NSMCE2: variants seen among roughly 807,000 people sequenced by gnomAD.
NSMCE2 encodes the protein NSE2 SUMO ligase component of SMC5/6 complex.
NSMCE2 carries 24 observed loss-of-function variants against 23.8 expected under a neutral mutation model. The observed-to-expected ratio is 1.01, with a 90% CI of 0.73 to 1.42. The LOEUF (loss-of-function observed/expected upper bound fraction) is 1.42. Ranked by LOEUF, NSMCE2 falls within the 40% of genes most tolerant of loss-of-function variation. The pLI is 0.00. For missense variants in NSMCE2, 284 were observed against 296.5 expected (o/e 0.96, Z 0.31); for synonymous variants, 92 against 94.1 (o/e 0.98, Z 0.13).
chr8:125,142,411 C>T (rs1360392051), intron 3 of NSMCE2, among the ~76,000 whole-genome samples: 2 of 152,122 alleles, frequency 1.3e-5, no homozygotes, highest in African/African-American at 4.8e-5. Context: ...TACATCGTCT[C>T]TCTTCTGTGT....
chr8:125,138,926 C>G (rs1272263933), intron 3 of NSMCE2, among the ~76,000 whole-genome samples: 1 of 152,138 alleles, frequency 6.6e-6, no homozygotes, highest in Non-Finnish European at 1.5e-5. Context: ...CTCTCTGAGC[C>G]TCAATTTCCT....
At chr8:125,282,019 A>G (rs1298067639) in intron 5 of NSMCE2, among the ~76,000 whole-genome samples, 1 of 152,092 alleles carries the variant, frequency 6.6e-6, no homozygotes, top group Admixed American at 6.5e-5. Context: ...GTCCCATTGA[A>G]ATTGGTGAGC....
At chr8:125,124,136 G>C (rs1819403394) in intron 3 of NSMCE2, 1 of 152,114 alleles carries the variant, frequency 6.6e-6, no homozygotes, top group African/African-American at 2.4e-5. Flanking sequence ...CATATAAATG[G>C]AGTAATGTAA....
rs575589879 is a variant in NSMCE2 at position 125,132,815 on chromosome 8, A to G, written c.158-18356A>G. 1.9e-4 allele frequency among the ~76,000 whole-genome samples: 29 copies of G among 152,296 alleles called. No homozygotes were observed. The South Asian group carries it at 5.8e-3, about 30-fold the overall frequency. On this transcript the variant is annotated intron_variant, in intron 3 of 7. Transcript: ENST00000287437. ...CCAGCCCAATTTTTAAATTGTTAAA[A>G]ATGGATACAATACTTAAGAAATAAT...
intron 5 of NSMCE2, among the ~76,000 whole-genome samples, chr8:125,241,630 G>A (rs1825768368): frequency 6.6e-6 from 1 of 152,220 alleles, no homozygotes; most frequent in Non-Finnish European, 1.5e-5. Flanking sequence ...AACTGAAAAA[G>A]ATAACTGTAG....
At chr8:125,129,574 G>GTC (rs1459947527) in intron 3 of NSMCE2, among the ~76,000 whole-genome samples, 15 of 149,574 alleles carry the variant, frequency 1.0e-4, no homozygotes, top group Non-Finnish European at 3.0e-5. Flanking sequence ...GTGTGTGTGT[G>GTC]TGTGTCTGTG....
chr8:125,200,459 C>G (rs546516016), intron 5 of NSMCE2, among the ~76,000 whole-genome samples: 1 of 152,280 alleles, frequency 6.6e-6, no homozygotes, highest in African/African-American at 2.4e-5. Flanking sequence ...ATATGAGATT[C>G]TGGGTTGAAA....
At chr8:125,100,218 T>C (rs1218591422) in intron 1 of NSMCE2, among the ~76,000 whole-genome samples, 4 of 152,098 alleles carry the variant, frequency 2.6e-5, no homozygotes, top group Admixed American at 6.5e-5. Context: ...GGAGGAAGTG[T>C]TGGAAGTTTC....
intron 5 of NSMCE2, among the ~76,000 whole-genome samples, chr8:125,305,276 C>T (rs1345715516): frequency 6.6e-6 from 1 of 152,200 alleles, no homozygotes; most frequent in Non-Finnish European, 1.5e-5. Context: ...TAAGTAGTAT[C>T]ATTGCCATTT....
intron 5 of NSMCE2, among the ~76,000 whole-genome samples, chr8:125,217,666 C>G (rs1824661130): frequency 1.3e-5 from 2 of 152,074 alleles, no homozygotes; most frequent in South Asian, 4.1e-4. Context: ...GCGCCTGGCC[C>G]TGATCACTTT....
At chr8:125,225,391 T>G (rs1825047743) in intron 5 of NSMCE2, among the ~76,000 whole-genome samples, 1 of 152,226 alleles carries the variant, frequency 6.6e-6, no homozygotes, top group Non-Finnish European at 1.5e-5. Context: ...AACAGTTCTT[T>G]TTTGTAGTCA....
chr8:125,283,397 C>T (rs1459808346), intron 5 of NSMCE2, among the ~76,000 whole-genome samples: 4 of 152,068 alleles, frequency 2.6e-5, no homozygotes, highest in Non-Finnish European at 5.9e-5. Flanking sequence ...AAATTAGCTG[C>T]TCATGGTGAC....
At chr8:125,191,801 A>G (rs1217874667) in intron 5 of NSMCE2, among the ~76,000 whole-genome samples, 1 of 152,194 alleles carries the variant, frequency 6.6e-6, no homozygotes, top group East Asian at 1.9e-4. Context: ...CATCTCGCGT[A>G]ATCTTTACAA....
intron 3 of NSMCE2, among the ~76,000 whole-genome samples, chr8:125,144,469 A>G (rs922610879): frequency 2.6e-5 from 4 of 152,206 alleles, no homozygotes; most frequent in African/African-American, 9.6e-5. Flanking sequence ...CAAATACGGT[A>G]TGAACAGACC....
rs191847285 is a variant in NSMCE2, at chr8:125,260,587, T to C, written c.418+78331T>C. ...AAGAATTTGGATCTAGGTGGCCGTC[T>C]TCTTTGTGGTTTAATTCCCTAATTT... is the stretch of plus-strand genomic sequence containing the variant. On this transcript the variant is annotated intron_variant, in intron 5 of 7. Transcript: ENST00000287437. Among the ~76,000 whole-genome samples the C allele has an allele frequency of 2.7e-5, 4 of 150,250 alleles. No individual in the cohort carries two copies. The East Asian group carries it at 7.7e-4, about 29-fold the overall frequency.
At chr8:125,126,577 G>T (rs368578036) in intron 3 of NSMCE2, among the ~76,000 whole-genome samples, 1 of 152,230 alleles carries the variant, frequency 6.6e-6, no homozygotes. Flanking sequence ...CTTACTTGAT[G>T]CACGAAAGTC....
chr8:125,366,644 C>G (rs1476790080), intron 7 of NSMCE2, 124 bp from the exon 8 acceptor site: 1 of 683,344 alleles, frequency 1.5e-6, no homozygotes, highest in Non-Finnish European at 2.6e-6. Flanking sequence ...ATGAGCACAG[C>G]TTGGTCCTGA....
intron 5 of NSMCE2, among the ~76,000 whole-genome samples, chr8:125,345,758 G>A (rs1830409654): frequency 6.6e-6 from 1 of 152,218 alleles, no homozygotes; most frequent in South Asian, 2.1e-4. Flanking sequence ...GTGAACTGTA[G>A]TCAGTCTGGG....
At chr8:125,278,534 A>G (rs571529410) in intron 5 of NSMCE2, among the ~76,000 whole-genome samples, 5 of 152,342 alleles carry the variant, frequency 3.3e-5, no homozygotes, top group South Asian at 4.1e-4. Flanking sequence ...CTTCACACTC[A>G]GGGTGACTCA....
Sources: gnomAD v4.1 joint callset for allele counts (sites outside exome capture counted in the v4.1 genomes callset) on GRCh38, gnomAD v4.1.1 for gene constraint, MANE v1.5 for transcripts, NCBI Gene and HGNC (gene_info 2026-07-23, HGNC 2026-07-21) for gene names.